SMIM14: variants seen among roughly 807,000 people sequenced by gnomAD.
SMIM14 encodes the protein small integral membrane protein 14, also known as chromosome 4 open reading frame 34.
In SMIM14, 5 loss-of-function variants were observed where a neutral mutation model predicts 12.6. The observed-to-expected ratio is 0.40, with a 90% CI of 0.21 to 0.83. SMIM14 has a LOEUF of 0.83. SMIM14 is among the 40% of genes least tolerant of loss of function. SMIM14 has a pLI of 0.37. For missense variants in SMIM14, 86 were observed against 119.1 expected (o/e 0.72, Z 1.29); for synonymous variants, 30 against 40.1 (o/e 0.75, Z 0.95).
chr4:39,609,187 A>G (rs370025230), intron 1 of SMIM14, among the ~76,000 whole-genome samples: 7 of 151,958 alleles, frequency 4.6e-5, no homozygotes, highest in Admixed American at 2.6e-4. Context: ...TCACCATGTT[A>G]GCCAGGATGG....
chr4:39,576,422 T>G (rs1223836480), intron 2 of SMIM14, among the ~76,000 whole-genome samples: 2 of 150,618 alleles, frequency 1.3e-5, no homozygotes, highest in Non-Finnish European at 1.5e-5. Context: ...AGTACATGAC[T>G]AGGAGGTCCC....
chr4:39,598,823 C>A (rs1714480832), intron 2 of SMIM14, among the ~76,000 whole-genome samples: 1 of 152,162 alleles, frequency 6.6e-6, no homozygotes, highest in Non-Finnish European at 1.5e-5. Flanking sequence ...AAAAGTCTCT[C>A]CCAGAGCCAT....
chr4:39,584,501 A>AAAAAAAAAAAAAAAAAAAAAAAAAAC (rs1713681827), intron 2 of SMIM14, among the ~76,000 whole-genome samples: 1 of 135,966 alleles, frequency 7.4e-6, no homozygotes, highest in Non-Finnish European at 1.6e-5. Context: ...AAAAAAAAAA[A>AAAAAAAAAAAAAAAAAAAAAAAAAAC]AAAAGACAAA....
rs1491086532 is a variant in SMIM14, at chr4:39,551,723, ATG to A, written c.*401_*402del. ...CCCCAAATAACTTTATAAATACCTTATGAAAAAAAGCAATTTAAAAACCTATC... is the reference window on the plus strand; with the variant it reads ...CCCCAAATAACTTTATAAATACCTTAAAAAAAAGCAATTTAAAAACCTATC... On this transcript the variant is annotated 3_prime_UTR_variant, in exon 5 of 5. Coordinates refer to ENST00000295958, the MANE Select transcript of SMIM14 (RefSeq NM_174921.3). The A allele has an allele frequency of 6.5e-6, 1 of 153,808 alleles. No individual in the cohort carries two copies. The highest frequency in any genetic ancestry group is 1.5e-5 in the Non-Finnish European group (1 of 68,892). 9.5% of individuals were successfully genotyped at this position (153,808 alleles called of 1,614,324 possible). A position where few individuals can be genotyped will look rare whatever the true frequency, so the allele number is the denominator to read the frequency against.
chr4:39,552,329 T>G (rs1711759386), intron 4 of SMIM14, among the ~76,000 whole-genome samples, 171 bp from the exon 5 acceptor site: 1 of 152,070 alleles, frequency 6.6e-6, no homozygotes, highest in Admixed American at 6.6e-5. Flanking sequence ...AAATATATGC[T>G]TATTTGGACT....
At chr4:39,617,008 G>A (rs762874509) in intron 1 of SMIM14, among the ~76,000 whole-genome samples, 2 of 151,898 alleles carry the variant, frequency 1.3e-5, no homozygotes, top group African/African-American at 2.4e-5. Context: ...TCATTATACC[G>A]GTTATTGTTA....
At chr4:39,553,733 A>G (rs1280904836) in intron 4 of SMIM14, among the ~76,000 whole-genome samples, 2 of 151,740 alleles carry the variant, frequency 1.3e-5, no homozygotes, top group African/African-American at 4.8e-5. Context: ...AGCTGGGATT[A>G]CAGGCACGCG....
At chr4:39,595,791 G>GT (rs1211898848) in intron 2 of SMIM14, among the ~76,000 whole-genome samples, 2 of 151,502 alleles carry the variant, frequency 1.3e-5, no homozygotes, top group East Asian at 3.9e-4. Context: ...TTTATTTTCG[G>GT]TAGAGAAGGG....
At chr4:39,619,876 A>ATATATTT (rs71192884) in intron 1 of SMIM14, among the ~76,000 whole-genome samples, 92 of 115,850 alleles carry the variant, frequency 7.9e-4, no homozygotes, top group South Asian at 1.8e-3. Flanking sequence ...ATATATATAT[A>ATATATTT]TTTTTTTTTT....
chr4:39,562,878 A>G lies in SMIM14; in HGVS notation c.125-6308T>C, dbSNP rs142755823. Among the ~76,000 whole-genome samples the G allele has an allele frequency of 5.1e-3, 762 of 149,104 alleles. 13 individuals carry two copies. Among genetic ancestry groups the G allele is most frequent in the African/African-American group, 0.018 (704 of 38,976 alleles). On this transcript the variant is annotated intron_variant, in intron 3 of 4. Coordinates refer to ENST00000295958, the MANE Select transcript of SMIM14 (RefSeq NM_174921.3). ...AGGCTTGTCCCTAACTCCTGAGCTCAAGCAACCCACCCACCTAAGCCTCGC... is the reference window on the plus strand; with the variant it reads ...AGGCTTGTCCCTAACTCCTGAGCTCGAGCAACCCACCCACCTAAGCCTCGC...
intron 1 of SMIM14, among the ~76,000 whole-genome samples, chr4:39,621,534 C>T (rs1578364804): frequency 6.6e-6 from 1 of 151,986 alleles, no homozygotes; most frequent in Middle Eastern, 3.4e-3. Context: ...CTAAGACTAT[C>T]AAGGAAAATA....
At position 39,576,660 on chromosome 4, in the gene SMIM14, GTA is replaced by G. The variant is rs1298743756; in HGVS notation, c.76-4199_76-4198del. ...CTTATACCTATGTGTGTGTGTATGT[GTA>G]TATATATATATATATATATATATTT... is the stretch of plus-strand genomic sequence containing the variant. On this transcript the variant is annotated intron_variant, in intron 2 of 4. Coordinates refer to ENST00000295958, the MANE Select transcript of SMIM14 (RefSeq NM_174921.3). 1.1e-3 allele frequency among the ~76,000 whole-genome samples: 82 copies of G among 72,376 alleles called. 5 individuals are homozygous for G. In the South Asian group the frequency reaches 0.013, roughly 11 times the overall value. 47.5% of individuals were successfully genotyped at this position (72,376 alleles called of 152,430 possible).
chr4:39,625,748 T>C (rs1310449825), intron 1 of SMIM14, among the ~76,000 whole-genome samples: 2 of 152,214 alleles, frequency 1.3e-5, no homozygotes, highest in East Asian at 1.9e-4. Context: ...GAAATTCTTA[T>C]AATTTTACAA....
At chr4:39,587,246 C>G (rs943384924) in intron 2 of SMIM14, among the ~76,000 whole-genome samples, 4 of 151,568 alleles carry the variant, frequency 2.6e-5, no homozygotes, top group Admixed American at 6.6e-5. Flanking sequence ...CCTGTAATCC[C>G]AGCACTTTGG....
At chr4:39,586,194 A>C (rs1381403777) in intron 2 of SMIM14, among the ~76,000 whole-genome samples, 5 of 152,072 alleles carry the variant, frequency 3.3e-5, no homozygotes, top group Admixed American at 2.6e-4. Flanking sequence ...GGACAGGCTG[A>C]GAATTTTCCA....
At chr4:39,625,168 A>G (rs1054191746) in intron 1 of SMIM14, among the ~76,000 whole-genome samples, 2 of 150,282 alleles carry the variant, frequency 1.3e-5, no homozygotes, top group African/African-American at 4.9e-5. Flanking sequence ...CAGTGAGCTG[A>G]GATCATGCCA....
At chr4:39,632,809 A>G in intron 1 of SMIM14, among the ~76,000 whole-genome samples, 1 of 151,266 alleles carries the variant, frequency 6.6e-6, no homozygotes, top group South Asian at 2.1e-4. Context: ...ACACACACAC[A>G]CACACACACA....
chr4:39,556,435 G>A lies in SMIM14; in HGVS notation c.260C>T (p.Pro87Leu), dbSNP rs1405058991. The part of the protein sequence containing the change: ...GSSLPGKPTS[P>L]HNGQDPPAPP... ...AAAATCTGCAACACTTACATTATGA[G>A]GACTGGTTGGCTTTCCAGGTAGGCT... Residue 87 changes from proline to leucine, a missense_variant, in exon 4 of 5, where the codon CCT (proline) becomes CTT (leucine). Physicochemically the swap from Pro to Leu is moderately conservative, Grantham distance 98. Transcript: ENST00000295958. 1.9e-6 allele frequency: 3 copies of A among 1,611,546 alleles called. No individual in the cohort carries two copies. The highest frequency in any genetic ancestry group is 2.5e-6 in the Non-Finnish European group (3 of 1,179,324).
At chr4:39,626,639 TTTAAA>T (rs1168082217) in intron 1 of SMIM14, among the ~76,000 whole-genome samples, 1 of 152,216 alleles carries the variant, frequency 6.6e-6, no homozygotes, top group Non-Finnish European at 1.5e-5. Flanking sequence ...TAACTGTTAA[TTTAAA>T]TTAAATAATT....
Sources: gnomAD v4.1 joint callset for allele counts (sites outside exome capture counted in the v4.1 genomes callset) on GRCh38, gnomAD v4.1.1 for gene constraint, MANE v1.5 for transcripts, NCBI Gene and HGNC (gene_info 2026-07-23, HGNC 2026-07-21) for gene names.